The following ADAM22 variants were observed in gnomAD, a reference collection of about 807,000 sequenced individuals.
ADAM22 encodes the protein ADAM metallopeptidase domain 22, also known as disintegrin and metalloproteinase domain-containing protein 22.
Under a neutral mutation model 144.6 loss-of-function variants are expected in ADAM22, and 65 were observed. The observed-to-expected ratio is 0.45, with a 90% CI of 0.37 to 0.55. ADAM22 has a LOEUF of 0.55. Among genes scored for constraint, ADAM22 ranks in the 20% least tolerant of loss-of-function variants. The pLI is 0.00. For missense variants in ADAM22, 974 were observed against 1,184.9 expected, an observed-to-expected ratio of 0.82 and a Z score of 2.61; for synonymous variants, 391 against 412.6, an observed-to-expected ratio of 0.95 and a Z score of 0.63.
chr7:88,196,346 G>A (rs1013973521), intron 31 of ADAM22, 125 bp from the exon 32 acceptor site: 29 of 1,102,004 alleles, frequency 2.6e-5, no homozygotes, highest in Non-Finnish European at 3.9e-5. Context: ...TTTAGACTTT[G>A]CAAGAGTGTG....
intron 3 of ADAM22, among the ~76,000 whole-genome samples, chr7:88,022,823 C>T (rs1033681573): frequency 1.3e-5 from 2 of 152,124 alleles, no homozygotes; most frequent in African/African-American, 2.4e-5. Context: ...AAAACTATAA[C>T]TTTATATTAA....
chr7:88,134,735 A>G (rs1832594434), intron 13 of ADAM22, among the ~76,000 whole-genome samples: 1 of 152,188 alleles, frequency 6.6e-6, no homozygotes. Context: ...CTAGGCATAT[A>G]GGTTTCAGAC....
At chr7:87,950,948 T>G (rs1844926956) in intron 2 of ADAM22, among the ~76,000 whole-genome samples, 4 of 152,102 alleles carry the variant, frequency 2.6e-5, no homozygotes. Flanking sequence ...TTTTGAGAAG[T>G]GTCTGTTCAT....
rs1437164921 is a variant in ADAM22 at position 88,071,163 on chromosome 7, C to G, written c.324-4463C>G. Among the ~76,000 whole-genome samples the G allele has an allele frequency of 2.0e-5, 3 of 151,996 alleles. No homozygotes were observed. In the East Asian group the frequency reaches 5.8e-4, roughly 29 times the overall value. On this transcript the variant is annotated intron_variant, in intron 3 of 31. Transcript: ENST00000413139. Reference sequence around the variant, plus strand: ...GAGTGTGTGAAGGGAGGTGATTTATCAGGACAGATCATGGAAGATAAACTG... The same window carrying G: ...GAGTGTGTGAAGGGAGGTGATTTATGAGGACAGATCATGGAAGATAAACTG...
At chr7:87,966,164 T>G (rs1020366814) in intron 2 of ADAM22, among the ~76,000 whole-genome samples, 1 of 152,164 alleles carries the variant, frequency 6.6e-6, no homozygotes, top group Non-Finnish European at 1.5e-5. Flanking sequence ...TGGGAAGAGC[T>G]CTTGTCTCAT....
chr7:87,945,936 G>A (rs1480052979), intron 2 of ADAM22, among the ~76,000 whole-genome samples: 2 of 152,154 alleles, frequency 1.3e-5, no homozygotes, highest in African/African-American at 2.4e-5. Context: ...TAGTTCTGTT[G>A]TAAGTTCTTT....
At chr7:88,165,453 G>T (rs55837019) in intron 23 of ADAM22, among the ~76,000 whole-genome samples, 6,166 of 152,074 alleles carry the variant, frequency 0.041, 183 homozygotes, top group Middle Eastern at 0.058. Flanking sequence ...TTTGCATGAA[G>T]ACCCTTACTA....
chr7:88,161,890 G>A (rs746802614), intron 22 of ADAM22, among the ~76,000 whole-genome samples: 1 of 151,942 alleles, frequency 6.6e-6, no homozygotes, highest in Non-Finnish European at 1.5e-5. Context: ...ATTGTGGAAG[G>A]CAGTGTGGCG....
chr7:88,109,718 T>A (rs1208562203), intron 5 of ADAM22, among the ~76,000 whole-genome samples: 6 of 148,960 alleles, frequency 4.0e-5, no homozygotes, highest in Non-Finnish European at 5.9e-5. Flanking sequence ...GCTTTTTTTT[T>A]GAGAGAGAGA....
At chr7:87,988,674 G>C (rs1789036818) in intron 3 of ADAM22, among the ~76,000 whole-genome samples, 1 of 152,196 alleles carries the variant, frequency 6.6e-6, no homozygotes, top group African/African-American at 2.4e-5. Context: ...TTATTGGAGA[G>C]ATGGGGCCTG....
At chr7:87,953,853 T>C (rs987187474) in intron 2 of ADAM22, among the ~76,000 whole-genome samples, 10 of 152,350 alleles carry the variant, frequency 6.6e-5, no homozygotes, top group African/African-American at 2.2e-4. Context: ...ATATTTAGGA[T>C]AGTTAGCTCT....
intron 2 of ADAM22, among the ~76,000 whole-genome samples, chr7:87,959,854 A>G (rs1186873280): frequency 6.6e-6 from 1 of 152,238 alleles, no homozygotes; most frequent in Non-Finnish European, 1.5e-5. Context: ...ACATATTCAT[A>G]TACCATAAAA....
At chr7:88,065,128 A>T (rs1810903681) in intron 3 of ADAM22, among the ~76,000 whole-genome samples, 2 of 152,144 alleles carry the variant, frequency 1.3e-5, no homozygotes, top group African/African-American at 4.8e-5. Context: ...ATTTTTAATG[A>T]CCTATAGTGC....
intron 3 of ADAM22, among the ~76,000 whole-genome samples, chr7:87,997,415 G>T (rs1791492855): frequency 6.6e-6 from 1 of 152,230 alleles, no homozygotes; most frequent in African/African-American, 2.4e-5. Flanking sequence ...GTTTCCATGG[G>T]TCAGAAGTCT....
At chr7:87,934,613 A>ATTGAAAAGGG (rs1260395948) in intron 1 of ADAM22, 63 bp downstream of exon 1, 8 of 1,472,722 alleles carry the variant, frequency 5.4e-6, no homozygotes, top group Non-Finnish European at 7.3e-6. Flanking sequence ...TGGAGCCCTC[A>ATTGAAAAGGG]GGCGTATTGA....
intron 3 of ADAM22, among the ~76,000 whole-genome samples, chr7:88,074,783 T>C (rs1813770812): frequency 6.6e-6 from 1 of 152,228 alleles, no homozygotes; most frequent in South Asian, 2.1e-4. Flanking sequence ...GTAGGCATGG[T>C]GCTTATCATG....
intron 2 of ADAM22, among the ~76,000 whole-genome samples, chr7:87,937,274 TA>T (rs773436860): frequency 1.3e-5 from 2 of 152,210 alleles, no homozygotes; most frequent in Non-Finnish European, 2.9e-5. Flanking sequence ...TTCTGTTTTC[TA>T]AAAGGTCTTT....
Position 88,145,188 on chromosome 7 carries a change from A to G in ADAM22, c.1384A>G (p.Thr462Ala), listed in dbSNP as rs1429032604. Reference sequence around the variant, plus strand: ...AACTGGAGAGGAGTGTGATTGTGGAACCCCGGCCGTAAGTCTCTGGTTGTT... The same window carrying G: ...AACTGGAGAGGAGTGTGATTGTGGAGCCCCGGCCGTAAGTCTCTGGTTGTT... ...IETGEECDCG[T>A]PAECVLEGAE... The change falls in exon 16 of 32, where the codon ACC (threonine) becomes GCC (alanine). Residue 462 changes from threonine (T) to alanine (A), a missense_variant. By Grantham distance (58) the Thr-to-Ala change is moderately conservative. Coordinates refer to ENST00000413139, the MANE Select transcript of ADAM22 (RefSeq NM_001324418.2). 2.5e-6 allele frequency: 4 copies of G among 1,613,424 alleles called. No individual in the cohort carries two copies. In the South Asian group the frequency reaches 4.4e-5, roughly 18 times the overall value.
chr7:88,197,331 G>A lies in ADAM22; in HGVS notation c.*840G>A, dbSNP rs1850788712. The A allele has an allele frequency of 6.6e-6, 1 of 152,208 alleles. No homozygotes were observed. Among genetic ancestry groups the A allele is most frequent in the African/African-American group, 2.4e-5 (1 of 41,450 alleles). 9.4% of individuals were successfully genotyped at this position (152,208 alleles called of 1,614,324 possible). A position where few individuals can be genotyped will look rare whatever the true frequency, so the allele number is the denominator to read the frequency against. On this transcript the variant is annotated 3_prime_UTR_variant, in exon 32 of 32. Coordinates refer to ENST00000413139, the MANE Select transcript of ADAM22 (RefSeq NM_001324418.2). ...GTGATATCCCTTTAACCTGTGCACAGTCTGGAGGCAGTTTTATTGAGTGAG... is the reference window on the plus strand; with the variant it reads ...GTGATATCCCTTTAACCTGTGCACAATCTGGAGGCAGTTTTATTGAGTGAG...
Sources: gnomAD v4.1 joint callset for allele counts (sites outside exome capture counted in the v4.1 genomes callset) on GRCh38, gnomAD v4.1.1 for gene constraint, MANE v1.5 for transcripts, NCBI Gene and HGNC (gene_info 2026-07-23, HGNC 2026-07-21) for gene names.